SNF8: variants seen among roughly 807,000 people sequenced by gnomAD.
SNF8 encodes the protein vacuolar-sorting protein SNF8.
Under a neutral mutation model 36.8 loss-of-function variants are expected in SNF8, and 19 were observed. The ratio of observed to expected loss-of-function variants is 0.52; its 90% CI spans 0.36 to 0.76. The LOEUF is 0.76. SNF8 is among the 30% of genes least tolerant of loss of function. The pLI is 0.00. For missense variants in SNF8, 268 were observed against 322.9 expected (o/e 0.83, Z 1.30); for synonymous variants, 127 against 127.4 (o/e 1.00, Z 0.02).
At chr17:48,943,823 C>T in intron 2 of SNF8, 102 bp downstream of exon 2, 1 of 1,055,218 alleles carries the variant, frequency 9.5e-7, no homozygotes, top group Non-Finnish European at 1.5e-6. Flanking sequence ...TGCCAAACAC[C>T]CTATTTCTAG....
chr17:48,933,536 G>A, intron 5 of SNF8, 190 bp from the exon 6 acceptor site: 2 of 613,380 alleles, frequency 3.3e-6, no homozygotes, highest in South Asian at 2.1e-5. Context: ...GAGCCCAGGG[G>A]TTAGAGACCA....
At chr17:48,933,102 C>T in intron 6 of SNF8, 103 bp downstream of exon 6, 3 of 1,310,710 alleles carry the variant, frequency 2.3e-6, no homozygotes, top group Non-Finnish European at 3.2e-6. Context: ...TGGATAGTCT[C>T]AGCAAAAGAC....
rs770702520 is a variant in SNF8, at chr17:48,944,691, T to C, written c.44A>G (p.Lys15Arg). ...GVGAGAIAKK[K>R]LAEAKYKERG... ...CTTCTTCCTGCTCACCTCTGCAAGT[T>C]TCTTCTTGGCGATGGCGCCAGCTCC... Residue 15 changes from lysine (K) to arginine (R), a missense_variant, in exon 1 of 8, where the codon AAA becomes AGA. Physicochemically the swap from Lys to Arg is conservative, Grantham distance 26. Coordinates refer to ENST00000502492, the MANE Select transcript of SNF8 (RefSeq NM_007241.4). The C allele has an allele frequency of 2.5e-6, 4 of 1,612,396 alleles. No individual in the cohort carries two copies. In the South Asian group the frequency reaches 3.3e-5, roughly 13 times the overall value.
intron 6 of SNF8, 33 bp from the exon 7 acceptor site, chr17:48,931,750 T>C (rs1460833438): frequency 6.4e-7 from 1 of 1,560,404 alleles, no homozygotes. Context: ...TTGAATCAGT[T>C]AAGAGTGCAC....
At chr17:48,943,027 G>A (rs765573809) in intron 2 of SNF8, among the ~76,000 whole-genome samples, 226 of 151,100 alleles carry the variant, frequency 1.5e-3, no homozygotes, top group Non-Finnish European at 2.5e-3. Context: ...CACCACGCCC[G>A]GCTAATTTTT....
chr17:48,937,158 A>AT (rs763111564), intron 3 of SNF8, 34 bp from the exon 4 acceptor site: 1 of 1,427,064 alleles, frequency 7.0e-7, no homozygotes, highest in Non-Finnish European at 9.9e-7. Context: ...TCGGTTATTG[A>AT]TTAATTTACA....
intron 3 of SNF8, among the ~76,000 whole-genome samples, chr17:48,938,515 A>C (rs967448238): frequency 6.9e-6 from 1 of 145,464 alleles, no homozygotes; most frequent in African/African-American, 2.5e-5. Context: ...AAAAAAAAAG[A>C]AAACAAAAAT....
intron 2 of SNF8, among the ~76,000 whole-genome samples, chr17:48,943,022 C>T (rs1162239308): frequency 2.6e-5 from 4 of 151,900 alleles, no homozygotes; most frequent in African/African-American, 7.2e-5. Context: ...CCCGCCACCA[C>T]GCCCGGCTAA....
intron 3 of SNF8, among the ~76,000 whole-genome samples, chr17:48,938,796 C>T (rs1381112659): frequency 6.7e-6 from 1 of 149,428 alleles, no homozygotes; most frequent in Non-Finnish European, 1.5e-5. Flanking sequence ...TCACTTGAAC[C>T]CAGGAGGCGG....
intron 4 of SNF8, chr17:48,936,591 GCTTA>G: frequency 3.2e-6 from 1 of 308,780 alleles, no homozygotes; most frequent in Non-Finnish European, 6.1e-6. Flanking sequence ...CATTTAACGT[GCTTA>G]CTAAGAAAGA....
At chr17:48,943,477 G>A (rs1463023479) in intron 2 of SNF8, among the ~76,000 whole-genome samples, 1 of 151,906 alleles carries the variant, frequency 6.6e-6, no homozygotes, top group African/African-American at 2.4e-5. Flanking sequence ...GCGTGGTGGC[G>A]CATGTCTGTA....
At chr17:48,939,475 G>T (rs12232531) in intron 3 of SNF8, among the ~76,000 whole-genome samples, 54,790 of 132,020 alleles carry the variant, frequency 0.42, 12,623 homozygotes, top group East Asian at 0.68. Flanking sequence ...TTTTTTTTTT[G>T]GGGGGATGGA....
Position 48,944,730 on chromosome 17 carries a change from T to C in SNF8, c.5A>G (p.His2Arg). Residue 2 changes from histidine to arginine, a missense_variant, in exon 1 of 8, where the codon CAC becomes CGC. Physicochemically the swap from His to Arg is conservative, Grantham distance 29 (BLOSUM62 0). Coordinates refer to ENST00000502492, the MANE Select transcript of SNF8 (RefSeq NM_007241.4). ...GGCGCCAGCTCCCACCCCGCGGCGG[T>C]GCATCCCCACCCTGGGCCCGCGGGC... M[H>R]RRGVGAGAIA... 1 of 1,609,348 alleles carries C rather than the reference T, an allele frequency of 6.2e-7. No individual in the cohort carries two copies. Among genetic ancestry groups the C allele is most frequent in the Non-Finnish European group, 8.5e-7 (1 of 1,178,506 alleles).
In SNF8 at chr17:48,930,451, T is replaced by A. The variant is rs1329338487; in HGVS notation, c.*24A>T. 6.5e-7 allele frequency: 1 copy of A among 1,540,340 alleles called. No homozygotes were observed. The highest frequency in any genetic ancestry group is 8.8e-7 in the Non-Finnish European group (1 of 1,135,662). On this transcript the variant is annotated 3_prime_UTR_variant, in exon 8 of 8. Transcript: ENST00000502492. Reference sequence around the variant, plus strand: ...CCACCTCCGCCTCCTCCCTGCCTGCTGCTGTGTGCCCTTCCACATGCAGTC... The same window carrying A: ...CCACCTCCGCCTCCTCCCTGCCTGCAGCTGTGTGCCCTTCCACATGCAGTC...
intron 3 of SNF8, among the ~76,000 whole-genome samples, chr17:48,939,430 A>G (rs1014785685): frequency 2.6e-5 from 4 of 151,242 alleles, no homozygotes; most frequent in African/African-American, 9.7e-5. Flanking sequence ...AGAAACCTCA[A>G]TGCTAAAAAA....
At chr17:48,931,760 C>T (rs1426147073) in intron 6 of SNF8, 43 bp from the exon 7 acceptor site, 2 of 1,512,516 alleles carry the variant, frequency 1.3e-6, no homozygotes, top group South Asian at 1.2e-5. Context: ...TAAGAGTGCA[C>T]CTTCCCTTAG....
chr17:48,942,293 C>T (rs867018829), intron 2 of SNF8, among the ~76,000 whole-genome samples: 7 of 150,610 alleles, frequency 4.6e-5, no homozygotes, highest in African/African-American at 9.8e-5. Flanking sequence ...GCCAAGATCA[C>T]GCCACTGCAC....
intron 5 of SNF8, 189 bp from the exon 6 acceptor site, chr17:48,933,535 G>A (rs2040891363): frequency 3.2e-6 from 2 of 615,802 alleles, no homozygotes; most frequent in Non-Finnish European, 5.7e-6. Flanking sequence ...TGAGCCCAGG[G>A]GTTAGAGACC....
chr17:48,937,375 TC>T, intron 3 of SNF8: 1 of 594,946 alleles, frequency 1.7e-6, no homozygotes, highest in South Asian at 1.5e-5. Context: ...CGCCTGTAAT[TC>T]CAACACTTTG....
Sources: gnomAD v4.1 joint callset for allele counts (sites outside exome capture counted in the v4.1 genomes callset) on GRCh38, gnomAD v4.1.1 for gene constraint, MANE v1.5 for transcripts, NCBI Gene and HGNC (gene_info 2026-07-23, HGNC 2026-07-21) for gene names.